The following WWOX variants were observed in gnomAD, a reference collection of about 807,000 sequenced individuals.
WWOX encodes the protein WW domain-containing oxidoreductase.
Under a neutral mutation model 46.2 loss-of-function variants are expected in WWOX, and 69 were observed. The ratio of observed to expected loss-of-function variants is 1.49; its 90% CI spans 1.23 to 1.82. The LOEUF (loss-of-function observed/expected upper bound fraction) is 1.82. Ranked by LOEUF, WWOX falls within the 40% of genes most tolerant of loss-of-function variation. The probability of loss-of-function intolerance (pLI) is 0.00; values close to 1 mark genes in which losing one functional copy is unlikely to be tolerated. For missense variants in WWOX, 919 were observed against 542.6 expected (o/e 1.69, Z -6.89); for synonymous variants, 359 against 202.6 (o/e 1.77, Z -6.56).
rs188965416 is a variant in WWOX, at chr16:79,102,200, C to G, written c.1057-109408C>G. On this transcript the variant is annotated intron_variant, in intron 8 of 8. Transcript: ENST00000566780. ...TGTCATCTGAATGTCTCTTCTCAAT[C>G]TTTCTGAAAGATAACTTGCCTATAA... 3.3e-3 allele frequency among the ~76,000 whole-genome samples: 506 copies of G among 152,228 alleles called. 2 individuals carry two copies. Among genetic ancestry groups the G allele is most frequent in the Non-Finnish European group, 5.7e-3 (389 of 67,998 alleles).
At chr16:78,680,168 G>C (rs566016308) in intron 8 of WWOX, among the ~76,000 whole-genome samples, 1 of 152,214 alleles carries the variant, frequency 6.6e-6, no homozygotes, top group East Asian at 1.9e-4. Context: ...CCAGCACTGA[G>C]GGAGGCTGAG....
chr16:79,047,344 T>C (rs1425856806), intron 8 of WWOX, among the ~76,000 whole-genome samples: 1 of 152,204 alleles, frequency 6.6e-6, no homozygotes, highest in Non-Finnish European at 1.5e-5. Context: ...CTGAAAAGCT[T>C]ATGGTGGTTT....
At chr16:78,610,482 A>C (rs764948535) in intron 8 of WWOX, among the ~76,000 whole-genome samples, 3 of 152,214 alleles carry the variant, frequency 2.0e-5, no homozygotes, top group Non-Finnish European at 4.4e-5. Context: ...GTCACCTACA[A>C]TACTCATTCC....
intron 8 of WWOX, among the ~76,000 whole-genome samples, chr16:78,849,415 C>T (rs2052383628): frequency 6.7e-6 from 1 of 149,850 alleles, no homozygotes; most frequent in African/African-American, 2.5e-5. Flanking sequence ...ATTAAAAATA[C>T]AAAAAAAAAT....
intron 8 of WWOX, among the ~76,000 whole-genome samples, chr16:78,447,809 A>T (rs571329260): frequency 6.6e-6 from 1 of 152,166 alleles, no homozygotes; most frequent in African/African-American, 2.4e-5. Flanking sequence ...ATTATTATTT[A>T]TTATTATTAT....
In WWOX at chr16:78,727,303, G is replaced by A. The variant is rs148540259; in HGVS notation, c.1056+294551G>A. ...AATCCCAGCTGCTAGGGAGGCTGAG[G>A]CAGGAGAATCACTTCAACCCGGAAG... On this transcript the variant is annotated intron_variant, in intron 8 of 8. Coordinates refer to ENST00000566780, the MANE Select transcript of WWOX (RefSeq NM_016373.4). 4.1e-3 allele frequency among the ~76,000 whole-genome samples: 623 copies of A among 152,318 alleles called. 5 individuals carry two copies. Among genetic ancestry groups the A allele is most frequent in the African/African-American group, 0.013 (559 of 41,582 alleles).
At chr16:78,738,127 A>T (rs535009627) in intron 8 of WWOX, among the ~76,000 whole-genome samples, 6 of 152,124 alleles carry the variant, frequency 3.9e-5, no homozygotes, top group African/African-American at 1.4e-4. Flanking sequence ...AAACAGTTCA[A>T]TTAGGTAAAG....
intron 5 of WWOX, among the ~76,000 whole-genome samples, chr16:78,249,779 C>T (rs369421489): frequency 2.8e-5 from 4 of 140,972 alleles, no homozygotes; most frequent in Admixed American, 1.4e-4. Context: ...CAAACTAGAA[C>T]GTGGCTTTTG....
intron 8 of WWOX, among the ~76,000 whole-genome samples, chr16:78,658,188 A>T (rs977625811): frequency 2.6e-5 from 4 of 152,214 alleles, no homozygotes; most frequent in Non-Finnish European, 5.9e-5. Flanking sequence ...ACCCCTGGGG[A>T]ACAAAATCAC....
intron 5 of WWOX, among the ~76,000 whole-genome samples, chr16:78,165,544 G>C (rs1275832006): frequency 6.6e-6 from 1 of 152,146 alleles, no homozygotes; most frequent in East Asian, 1.9e-4. Flanking sequence ...GGTCAGATGG[G>C]GTAGGGGAAT....
At chr16:78,591,793 C>G (rs2045358337) in intron 8 of WWOX, among the ~76,000 whole-genome samples, 2 of 152,264 alleles carry the variant, frequency 1.3e-5, no homozygotes, top group Admixed American at 6.5e-5. Flanking sequence ...TGGGGTTATT[C>G]TAGTGCAGTG....
intron 8 of WWOX, among the ~76,000 whole-genome samples, chr16:79,188,478 G>A (rs1245511948): frequency 2.6e-5 from 4 of 152,322 alleles, no homozygotes; most frequent in East Asian, 1.9e-4. Context: ...GTCAGGACCA[G>A]TAGGAGGTTC....
chr16:78,622,269 G>A (rs546505125), intron 8 of WWOX, among the ~76,000 whole-genome samples: 10 of 151,954 alleles, frequency 6.6e-5, no homozygotes, highest in East Asian at 1.9e-4. Flanking sequence ...GTGGCTGGTC[G>A]CAGTGGCTCA....
intron 7 of WWOX, among the ~76,000 whole-genome samples, chr16:78,427,193 C>T (rs113217562): frequency 6.6e-6 from 1 of 152,136 alleles, no homozygotes; most frequent in Non-Finnish European, 1.5e-5. Context: ...AGAATCTCTT[C>T]GTTGGAGTTA....
intron 5 of WWOX, among the ~76,000 whole-genome samples, chr16:78,224,088 C>G (rs992539862): frequency 6.6e-6 from 1 of 152,108 alleles, no homozygotes; most frequent in Non-Finnish European, 1.5e-5. Flanking sequence ...ATTGCAAGCT[C>G]CGTCTCCTGG....
At chr16:79,114,393 TCTACATGTATGCACATAC>T (rs2049472814) in intron 8 of WWOX, among the ~76,000 whole-genome samples, 1 of 151,404 alleles carries the variant, frequency 6.6e-6, no homozygotes, top group Non-Finnish European at 1.5e-5. Context: ...TATCTACGTA[TCTACATGTATGCACATAC>T]CTACATGCAT....
At chr16:78,746,827 A>C (rs2049358822) in intron 8 of WWOX, among the ~76,000 whole-genome samples, 2 of 152,148 alleles carry the variant, frequency 1.3e-5, no homozygotes, top group Non-Finnish European at 2.9e-5. Flanking sequence ...TAGACTAGTG[A>C]GTGAGGAAAA....
At chr16:78,836,129 C>G (rs1124807) in intron 8 of WWOX, among the ~76,000 whole-genome samples, 1 of 151,918 alleles carries the variant, frequency 6.6e-6, no homozygotes, top group African/African-American at 2.4e-5. Context: ...CTATATATAC[C>G]GCCTGGCCTC....
intron 8 of WWOX, among the ~76,000 whole-genome samples, chr16:79,156,038 T>A (rs2050375011): frequency 6.6e-6 from 1 of 152,276 alleles, no homozygotes; most frequent in East Asian, 1.9e-4. Flanking sequence ...GTTTACAATT[T>A]CCAGGAAATC....
Sources: allele counts gnomAD v4.1 joint callset (sites outside exome capture counted in the v4.1 genomes callset), GRCh38; gene constraint gnomAD v4.1.1; transcripts MANE v1.5; gene names NCBI Gene and HGNC (gene_info 2026-07-23, HGNC 2026-07-21).